Variants in ZBTB25 observed in about 807,000 individuals in gnomAD.
The protein encoded by ZBTB25 is zinc finger and BTB domain-containing protein 25.
A neutral mutation model predicts 34.2 loss-of-function variants in ZBTB25; 20 were observed. The observed-to-expected ratio is 0.58, with a 90% CI of 0.41 to 0.85. ZBTB25 has a LOEUF of 0.85. Ranked by LOEUF, ZBTB25 falls within the 40% of genes least tolerant of loss-of-function variation. The probability of loss-of-function intolerance (pLI) is 0.00; values close to 1 mark genes in which losing one functional copy is unlikely to be tolerated. For synonymous variants in ZBTB25, 175 were observed against 186.4 expected (o/e 0.94, Z 0.50); for missense variants, 437 against 521.8 (o/e 0.84, Z 1.58).
At chr14:64,472,180 G>A (rs1230992411) in intron 2 of ZBTB25, 2 of 167,042 alleles carry the variant, frequency 1.2e-5, no homozygotes, top group Admixed American at 1.3e-4. Flanking sequence ...CACTATATGT[G>A]GTGCTAATGG....
intron 2 of ZBTB25, 79 bp downstream of exon 2, chr14:64,490,282 A>C (rs1183355128): frequency 1.8e-6 from 2 of 1,126,854 alleles, no homozygotes; most frequent in African/African-American, 3.4e-5. Context: ...CGTAACAAAG[A>C]ATTTCCAAAA....
intron 2 of ZBTB25, among the ~76,000 whole-genome samples, chr14:64,457,751 C>T (rs938782490): frequency 4.6e-5 from 7 of 152,116 alleles, no homozygotes; most frequent in South Asian, 4.1e-4. Flanking sequence ...CCACCACGCC[C>T]GGCAGGGATC....
chr14:64,496,455 C>A (rs2079279545), intron 1 of ZBTB25, among the ~76,000 whole-genome samples: 1 of 152,168 alleles, frequency 6.6e-6, no homozygotes, highest in Non-Finnish European at 1.5e-5. Flanking sequence ...CACACCACTG[C>A]ATTCCAGCCT....
At chr14:64,463,744 G>A (rs1218626881) in intron 2 of ZBTB25, among the ~76,000 whole-genome samples, 1 of 151,830 alleles carries the variant, frequency 6.6e-6, no homozygotes, top group African/African-American at 2.4e-5. Flanking sequence ...CTGCACTCCA[G>A]CCTGAGCAAG....
At position 64,481,580 on chromosome 14, in the gene ZBTB25, T is replaced by C. The variant is rs1654599050; in HGVS notation, c.*5343A>G. On this transcript the variant is annotated 3_prime_UTR_variant, in exon 3 of 3. Transcript: ENST00000608382. The stretch of plus-strand genomic sequence containing the variant: ...CTAAATGACTTTATTTAGCACAAAA[T>C]AGAGGAGTTGATGACAGTTAATGTC... 1 of 152,226 alleles carries C rather than the reference T, an allele frequency of 6.6e-6. No individual in the cohort carries two copies. Among genetic ancestry groups the C allele is most frequent in the South Asian group, 2.1e-4 (1 of 4,834 alleles). The allele number at this position is 152,226 out of a possible 1,614,324, so 9.4% of individuals were successfully genotyped here.
At chr14:64,500,258 T>C (rs1240343967) in intron 1 of ZBTB25, among the ~76,000 whole-genome samples, 3 of 152,158 alleles carry the variant, frequency 2.0e-5, no homozygotes, top group South Asian at 4.1e-4. Flanking sequence ...AGTAAACCAA[T>C]ACTTCTTTCG....
At position 64,494,929 on chromosome 14, in the gene ZBTB25, G is replaced by A. The variant is rs1292802524; in HGVS notation, c.-7-4389C>T. 2.6e-5 allele frequency among the ~76,000 whole-genome samples: 4 copies of A among 152,266 alleles called. No individual in the cohort carries two copies. In the East Asian group the frequency reaches 7.7e-4, roughly 29 times the overall value. On this transcript the variant is annotated intron_variant, in intron 1 of 2. Coordinates refer to ENST00000608382, the MANE Select transcript of ZBTB25 (RefSeq NM_006977.5). Reference sequence around the variant, plus strand: ...TGATCTGTTAAATCTATTCAAGATTGTTTCAGATATTGTATTTTCAGATGT... The same window carrying A: ...TGATCTGTTAAATCTATTCAAGATTATTTCAGATATTGTATTTTCAGATGT...
At chr14:64,457,378 C>T (rs908297928) in intron 2 of ZBTB25, among the ~76,000 whole-genome samples, 1 of 152,066 alleles carries the variant, frequency 6.6e-6, no homozygotes, top group Non-Finnish European at 1.5e-5. Context: ...CCTGCTACTG[C>T]TTGTGACCAC....
At chr14:64,469,592 G>A in intron 2 of ZBTB25, 2 of 1,613,632 alleles carry the variant, frequency 1.2e-6, no homozygotes, top group South Asian at 2.2e-5. Flanking sequence ...CTCTTCTCTA[G>A]TCAAGAATGC....
At chr14:64,493,253 T>C (rs1182586280) in intron 1 of ZBTB25, among the ~76,000 whole-genome samples, 1 of 152,220 alleles carries the variant, frequency 6.6e-6, no homozygotes, top group Non-Finnish European at 1.5e-5. Flanking sequence ...CAGAGCGTGG[T>C]AGTTAAAGCT....
chr14:64,454,724 G>A (rs146868433), intron 2 of ZBTB25: 2 of 1,613,202 alleles, frequency 1.2e-6, no homozygotes, highest in East Asian at 4.5e-5. Flanking sequence ...TTTCCCCAGG[G>A]CTTTGGGAAT....
upstream of ZBTB25, chr14:64,504,725 C>T (rs528479954): frequency 5.3e-6 from 2 of 373,850 alleles, no homozygotes; most frequent in East Asian, 7.6e-5. Context: ...GGGGCCGGCT[C>T]AGTGCGGTGC....
downstream of ZBTB25, chr14:64,474,217 C>T (rs1483636223): frequency 6.0e-6 from 1 of 166,990 alleles, no homozygotes; most frequent in African/African-American, 2.4e-5. Flanking sequence ...AATACAGCAG[C>T]AGTTTGAAAG....
At chr14:64,489,413 C>T (rs2141027260) in intron 2 of ZBTB25, among the ~76,000 whole-genome samples, 1 of 152,330 alleles carries the variant, frequency 6.6e-6, no homozygotes, top group Non-Finnish European at 1.5e-5. Flanking sequence ...GGGCATGTTA[C>T]TTAACTCAGT....
downstream of ZBTB25, among the ~76,000 whole-genome samples, chr14:64,475,433 T>C (rs995550096): frequency 3.1e-4 from 47 of 151,000 alleles, no homozygotes; most frequent in African/African-American, 1.0e-3. Context: ...AGCGAGACTC[T>C]GTCTCAAAAA....
rs2078843012 is a variant in ZBTB25 at position 64,485,018 on chromosome 14, A to C, written c.*1905T>G. The C allele has an allele frequency of 3.0e-6, 3 of 985,352 alleles. No homozygotes were observed. The highest frequency in any genetic ancestry group is 1.7e-5 in the African/African-American group (1 of 57,252). 61.0% of individuals were successfully genotyped at this position (985,352 alleles called of 1,614,324 possible). A position where few individuals can be genotyped will look rare whatever the true frequency, so the allele number is the denominator to read the frequency against. ...ATCAAGTTAGATGTGCTCTCAACACACATCAGTCTTAACCATAGGAGCCTT... is the reference window on the plus strand; with the variant it reads ...ATCAAGTTAGATGTGCTCTCAACACCCATCAGTCTTAACCATAGGAGCCTT... On this transcript the variant is annotated 3_prime_UTR_variant, in exon 3 of 3. Transcript: ENST00000608382.
Position 64,486,574 on chromosome 14 carries a change from C to T in ZBTB25, c.*349G>A. On this transcript the variant is annotated 3_prime_UTR_variant, in exon 3 of 3. Coordinates refer to ENST00000608382, the MANE Select transcript of ZBTB25 (RefSeq NM_006977.5). Reference sequence around the variant, plus strand: ...TGATAGTTTAGAATATGCTTTAAAACAGATTTCATTTACTTTATATTCAAT... The same window carrying T: ...TGATAGTTTAGAATATGCTTTAAAATAGATTTCATTTACTTTATATTCAAT... 1 of 941,726 alleles carries T rather than the reference C, an allele frequency of 1.1e-6. No individual in the cohort carries two copies. Among genetic ancestry groups the T allele is most frequent in the Admixed American group, 5.8e-5 (1 of 17,322 alleles). 58.3% of individuals were successfully genotyped at this position (941,726 alleles called of 1,614,324 possible).
chr14:64,451,759 G>A (rs923306985), intron 2 of ZBTB25, among the ~76,000 whole-genome samples: 4 of 152,202 alleles, frequency 2.6e-5, no homozygotes, highest in African/African-American at 4.8e-5. Flanking sequence ...CTTACTCAGC[G>A]TCTGCTAGTC....
intron 2 of ZBTB25, among the ~76,000 whole-genome samples, chr14:64,452,790 T>C (rs942219627): frequency 1.3e-5 from 2 of 152,256 alleles, no homozygotes; most frequent in African/African-American, 2.4e-5. Context: ...ACATTGGTTG[T>C]CTTATTTCAT....
Sources: allele counts gnomAD v4.1 joint callset (sites outside exome capture counted in the v4.1 genomes callset), GRCh38; gene constraint gnomAD v4.1.1; transcripts MANE v1.5; gene names NCBI Gene and HGNC (gene_info 2026-07-23, HGNC 2026-07-21).